The following DACH1 variants were observed in gnomAD, a reference collection of about 807,000 sequenced individuals.
The protein encoded by DACH1 is dachshund homolog 1.
Under a neutral mutation model 54.2 loss-of-function variants are expected in DACH1, and 12 were observed. The ratio of observed to expected loss-of-function variants is 0.22; its 90% CI spans 0.14 to 0.36. The LOEUF is 0.36. Ranked by LOEUF, DACH1 falls within the 10% of genes least tolerant of loss-of-function variation. The probability of loss-of-function intolerance (pLI) is 1.00; values close to 1 mark genes in which losing one functional copy is unlikely to be tolerated. For missense variants in DACH1, 805 were observed against 929.8 expected, an observed-to-expected ratio of 0.87 and a Z score of 1.75; for synonymous variants, 386 against 366.2, an observed-to-expected ratio of 1.05 and a Z score of -0.62.
At chr13:71,823,837 C>T (rs150375873) in intron 1 of DACH1, among the ~76,000 whole-genome samples, 4 of 151,998 alleles carry the variant, frequency 2.6e-5, no homozygotes, top group East Asian at 1.9e-4. Flanking sequence ...TTTGTCTTGA[C>T]GTTTTACTAT....
chr13:71,866,449 G>A lies in DACH1; in HGVS notation c.321C>T (p.Asn107=). The A allele has an allele frequency of 7.2e-7, 1 of 1,387,516 alleles. No individual in the cohort carries two copies. Among genetic ancestry groups the A allele is most frequent in the Non-Finnish European group, 9.4e-7 (1 of 1,065,130 alleles). 86.0% of individuals were successfully genotyped at this position (1,387,516 alleles called of 1,614,324 possible). ...CGCTGCCGTTGCTCGCGGCCGCCAG[G>A]TTGGGGTTGCAGTTGCTGCCACCGC... is the stretch of plus-strand genomic sequence containing the variant. ...GGGGGSNCNP[N]LAAASNGSGG... Residue 107 remains asparagine, a synonymous_variant, in exon 1 of 11, where the codon AAC becomes AAT. Coordinates refer to ENST00000613252, the MANE Select transcript of DACH1 (RefSeq NM_080759.6).
intron 1 of DACH1, among the ~76,000 whole-genome samples, chr13:71,736,017 T>C (rs192202398): frequency 3.3e-5 from 5 of 152,192 alleles, no homozygotes; most frequent in Admixed American, 3.3e-4. Context: ...TAAAAATCTA[T>C]CTCCATGATA....
chr13:71,835,717 G>A (rs1048421904), intron 1 of DACH1, among the ~76,000 whole-genome samples: 2 of 151,832 alleles, frequency 1.3e-5, no homozygotes, highest in Non-Finnish European at 2.9e-5. Flanking sequence ...GTCCTAGTTC[G>A]GCTAATTAAT....
chr13:71,714,353 C>T (rs915358651), intron 1 of DACH1, among the ~76,000 whole-genome samples: 3 of 151,882 alleles, frequency 2.0e-5, no homozygotes, highest in Admixed American at 6.6e-5. Flanking sequence ...CAAAACAAAA[C>T]AAAACAGGAC....
chr13:71,840,714 T>A (rs1003045170), intron 1 of DACH1, among the ~76,000 whole-genome samples: 7 of 152,156 alleles, frequency 4.6e-5, no homozygotes. Context: ...AGAGAAGTGA[T>A]AAAATAAAAA....
intron 1 of DACH1, among the ~76,000 whole-genome samples, chr13:71,746,292 A>T (rs766947118): frequency 5.3e-5 from 8 of 152,208 alleles, no homozygotes; most frequent in Non-Finnish European, 1.2e-4. Context: ...AATGAAGAGG[A>T]AACCCATAGA....
chr13:71,634,985 G>A (rs1877368548), intron 2 of DACH1, among the ~76,000 whole-genome samples: 1 of 152,098 alleles, frequency 6.6e-6, no homozygotes. Context: ...AGTAGGATTA[G>A]GATTCTGACC....
intron 6 of DACH1, among the ~76,000 whole-genome samples, chr13:71,543,633 A>C (rs76902335): frequency 6.3e-4 from 96 of 152,218 alleles, no homozygotes; most frequent in Non-Finnish European, 9.6e-4. Context: ...CTTGTGAGGT[A>C]AGTAGATATA....
rs115977731 is a variant in DACH1, at chr13:71,823,043, G to A, written c.848+42879C>T. 7.7e-3 allele frequency among the ~76,000 whole-genome samples: 1,168 copies of A among 152,148 alleles called. 13 individuals are homozygous for A. Among genetic ancestry groups the A allele is most frequent in the African/African-American group, 0.027 (1,104 of 41,524 alleles). On this transcript the variant is annotated intron_variant, in intron 1 of 10. Transcript: ENST00000613252. Reference sequence around the variant, plus strand: ...ATAACACAGCACCAACACAAAAGCGGTGGCATGCCCTGACTCATTATTTTC... The same window carrying A: ...ATAACACAGCACCAACACAAAAGCGATGGCATGCCCTGACTCATTATTTTC...
At chr13:71,734,132 T>C (rs1039078602) in intron 1 of DACH1, among the ~76,000 whole-genome samples, 1 of 149,532 alleles carries the variant, frequency 6.7e-6, no homozygotes, top group Admixed American at 6.7e-5. Flanking sequence ...GATACATATA[T>C]ACCCCATATA....
At chr13:71,683,398 G>A (rs968499467) in intron 1 of DACH1, among the ~76,000 whole-genome samples, 2 of 151,946 alleles carry the variant, frequency 1.3e-5, no homozygotes, top group African/African-American at 4.8e-5. Flanking sequence ...GAGAAGAAAA[G>A]AATAAAAGAA....
At chr13:71,624,375 G>A (rs1381532002) in intron 3 of DACH1, among the ~76,000 whole-genome samples, 2 of 151,900 alleles carry the variant, frequency 1.3e-5, no homozygotes, top group East Asian at 3.9e-4. Context: ...CACATGTGAA[G>A]CTACAGAGAG....
intron 1 of DACH1, among the ~76,000 whole-genome samples, chr13:71,694,533 C>A (rs1041609628): frequency 6.6e-6 from 1 of 152,142 alleles, no homozygotes; most frequent in Non-Finnish European, 1.5e-5. Context: ...CTTGATGAAG[C>A]ATTTTCTTTA....
At chr13:71,837,119 AT>A (rs5804587) in intron 1 of DACH1, among the ~76,000 whole-genome samples, 2,627 of 152,116 alleles carry the variant, frequency 0.017, 88 homozygotes, top group African/African-American at 0.058. Flanking sequence ...CATTATTCTC[AT>A]TTTTTAAGGT....
chr13:71,855,413 C>T (rs1873939011), intron 1 of DACH1, among the ~76,000 whole-genome samples: 2 of 151,944 alleles, frequency 1.3e-5, no homozygotes, highest in South Asian at 4.1e-4. Flanking sequence ...GGTCTTGATT[C>T]TGTAATCTAA....
chr13:71,537,970 C>T (rs1882913208), intron 6 of DACH1, among the ~76,000 whole-genome samples: 1 of 151,976 alleles, frequency 6.6e-6, no homozygotes, highest in Non-Finnish European at 1.5e-5. Flanking sequence ...TTAAATATCA[C>T]CCACAAAAAT....
intron 10 of DACH1, among the ~76,000 whole-genome samples, chr13:71,460,437 C>T (rs1157809286): frequency 6.6e-6 from 1 of 151,950 alleles, no homozygotes. Context: ...ATACTATTCC[C>T]AGCTCTTGAT....
intron 7 of DACH1, among the ~76,000 whole-genome samples, chr13:71,486,801 T>C (rs5007647): frequency 6.7e-6 from 1 of 149,376 alleles, no homozygotes; most frequent in African/African-American, 2.5e-5. Context: ...TTAATTAATT[T>C]ATTTATTTAT....
intron 1 of DACH1, among the ~76,000 whole-genome samples, chr13:71,839,644 G>T (rs1288206776): frequency 6.6e-6 from 1 of 151,870 alleles, no homozygotes; most frequent in Admixed American, 6.6e-5. Context: ...AATTAAAAAA[G>T]GAGTTCACAC....
Sources: allele counts gnomAD v4.1 joint callset (sites outside exome capture counted in the v4.1 genomes callset), GRCh38; gene constraint gnomAD v4.1.1; transcripts MANE v1.5; gene names NCBI Gene and HGNC (gene_info 2026-07-23, HGNC 2026-07-21).